The following MAMLD1 variants were observed in gnomAD, a reference collection of about 807,000 sequenced individuals.
MAMLD1 encodes mastermind-like domain-containing protein 1.
MAMLD1 carries 14 observed loss-of-function variants against 45.0 expected under a neutral mutation model. That is an observed-to-expected ratio of 0.31 (90% CI 0.21 to 0.49). The LOEUF is 0.49. MAMLD1 is among the 20% of genes least tolerant of loss of function. The pLI, the probability that MAMLD1 is intolerant of heterozygous loss-of-function variation, is 0.99. For synonymous variants in MAMLD1, 254 were observed against 247.8 expected, an observed-to-expected ratio of 1.02 and a Z score of -0.24; for missense variants, 543 against 603.6, an observed-to-expected ratio of 0.90 and a Z score of 1.05.
intron 1 of MAMLD1, among the ~76,000 whole-genome samples, chrX:150,412,709 TTTTG>T (rs1417445519): frequency 1.8e-5 from 2 of 109,488 alleles, no homozygotes; most frequent in East Asian, 2.9e-4. Context: ...TTGTTTGTTT[TTTTG>T]TTTGTTTGTT....
At chrX:150,481,730 T>A (rs924357202) in intron 5 of MAMLD1, among the ~76,000 whole-genome samples, 1 of 107,490 alleles carries the variant, frequency 9.3e-6, no homozygotes, top group South Asian at 4.1e-4. Flanking sequence ...CTCCGGAGGC[T>A]GAGGTGGGAG....
chrX:150,462,580 C>T (rs1454592809), intron 2 of MAMLD1, among the ~76,000 whole-genome samples, 192 bp from the exon 3 acceptor site: 1 of 112,145 alleles, frequency 8.9e-6, no homozygotes, highest in South Asian at 3.7e-4. Flanking sequence ...TTGCTAGTCT[C>T]CCGCACTCCA....
intron 6 of MAMLD1, chrX:150,504,625 G>T (rs1230455006): frequency 1.7e-6 from 1 of 592,950 alleles, no homozygotes; most frequent in African/African-American, 2.5e-5. Flanking sequence ...TCAGGATGTC[G>T]CTGTTTCCAC....
At chrX:150,497,379 G>A (rs1557408340) in intron 5 of MAMLD1, among the ~76,000 whole-genome samples, 1 of 105,844 alleles carries the variant, frequency 9.4e-6, no homozygotes, top group Admixed American at 1.0e-4. Context: ...CACCTCCTGG[G>A]TTCAAGTGAT....
At chrX:150,434,661 A>C (rs1432692972) in intron 1 of MAMLD1, among the ~76,000 whole-genome samples, 1 of 111,965 alleles carries the variant, frequency 8.9e-6, no homozygotes, top group Non-Finnish European at 1.9e-5. Context: ...CCTTAATTTC[A>C]TTATTTACTC....
chrX:150,499,665 AC>A (rs1177425115), intron 5 of MAMLD1, among the ~76,000 whole-genome samples: 1 of 111,340 alleles, frequency 9.0e-6, no homozygotes, highest in African/African-American at 3.3e-5. Flanking sequence ...TTCTGTCTGT[AC>A]CCCATCTTGC....
At chrX:150,461,329 T>C (rs2036030532) in intron 2 of MAMLD1, among the ~76,000 whole-genome samples, 1 of 112,758 alleles carries the variant, frequency 8.9e-6, no homozygotes, top group African/African-American at 3.2e-5. Flanking sequence ...ATGATGGGAT[T>C]AGACAGCCCA....
chrX:150,472,335 C>T (rs1429831036), intron 4 of MAMLD1, among the ~76,000 whole-genome samples: 4 of 112,232 alleles, frequency 3.6e-5, no homozygotes, highest in African/African-American at 1.3e-4. Context: ...CAGCTTCGAA[C>T]CATATGCATA....
At chrX:150,405,371 C>G (rs1557402633) in intron 1 of MAMLD1, among the ~76,000 whole-genome samples, 1 of 111,115 alleles carries the variant, frequency 9.0e-6, no homozygotes, top group Non-Finnish European at 1.9e-5. Context: ...CAAAAGGAGT[C>G]AAACTAGGTC....
intron 6 of MAMLD1, chrX:150,504,120 A>T: frequency 1.3e-6 from 1 of 753,064 alleles, no homozygotes; most frequent in Non-Finnish European, 1.6e-6. Flanking sequence ...AAGCTTGTCC[A>T]AGAGGCCTGT....
chrX:150,371,827 G>A (rs1330705041), intron 1 of MAMLD1, among the ~76,000 whole-genome samples: 1 of 111,626 alleles, frequency 9.0e-6, no homozygotes, highest in Middle Eastern at 4.2e-3. Context: ...TACATAGTTA[G>A]CACAGGTGCA....
At chrX:150,437,790 A>C (rs1222785098) in intron 1 of MAMLD1, among the ~76,000 whole-genome samples, 1 of 112,048 alleles carries the variant, frequency 8.9e-6, no homozygotes, top group Non-Finnish European at 1.9e-5. Context: ...CACAGTCAAA[A>C]TACAGAACAT....
At chrX:150,485,536 G>A (rs985842612) in intron 5 of MAMLD1, among the ~76,000 whole-genome samples, 1 of 111,512 alleles carries the variant, frequency 9.0e-6, no homozygotes, top group African/African-American at 3.3e-5. Context: ...AGCTAGCATT[G>A]CTTCTTTTCT....
chrX:150,488,376 G>A (rs2037064116), intron 5 of MAMLD1, among the ~76,000 whole-genome samples: 1 of 112,750 alleles, frequency 8.9e-6, no homozygotes, highest in African/African-American at 3.2e-5. Flanking sequence ...GCTGTAAAAT[G>A]ATGAGCTCCA....
At chrX:150,436,791 T>C (rs1557404296) in intron 1 of MAMLD1, among the ~76,000 whole-genome samples, 2 of 111,921 alleles carry the variant, frequency 1.8e-5, no homozygotes, top group East Asian at 5.6e-4. Flanking sequence ...CACTTGGAGG[T>C]AACAAGACAC....
intron 5 of MAMLD1, among the ~76,000 whole-genome samples, chrX:150,491,188 C>T (rs782097659): frequency 4.1e-4 from 46 of 111,547 alleles, no homozygotes; most frequent in Non-Finnish European, 7.2e-4. Flanking sequence ...CGTTGTTATT[C>T]CCCCTCCTTT....
Position 150,414,028 on chromosome X carries a change from C to CAAAAAAAAAAAA in MAMLD1, c.-63-31417_-63-31406dup. Among the ~76,000 whole-genome samples the CAAAAAAAAAAAA allele has an allele frequency of 8.5e-3, 266 of 31,285 alleles. 6 individuals carry two copies. The highest frequency in any genetic ancestry group is 0.019 in the East Asian group (8 of 431). The allele number at this position is 31,285 out of a possible 115,157, so 27.2% of individuals were successfully genotyped here. A position where few individuals can be genotyped will look rare whatever the true frequency, so the allele number is the denominator to read the frequency against. Reference sequence around the variant, plus strand: ...AGCATTAAGGAACCACAGAAAACTGCAAAAAAAAAAAAAAAAAAAAGAGCC... The same window carrying CAAAAAAAAAAAA: ...AGCATTAAGGAACCACAGAAAACTGCAAAAAAAAAAAAAAAAAAAAAAAAAAAAAAAAGAGCC... On this transcript the variant is annotated intron_variant, in intron 1 of 7. Transcript: ENST00000370401.
chrX:150,372,374 C>G (rs1168107111), intron 1 of MAMLD1, among the ~76,000 whole-genome samples: 1 of 111,416 alleles, frequency 9.0e-6, no homozygotes, highest in African/African-American at 3.3e-5. Context: ...GGGTTTGGCT[C>G]TTAATGAGAT....
At chrX:150,480,722 C>T (rs1384769553) in intron 5 of MAMLD1, among the ~76,000 whole-genome samples, 1 of 112,445 alleles carries the variant, frequency 8.9e-6, no homozygotes, top group Non-Finnish European at 1.9e-5. Context: ...AAGCACAGAG[C>T]CACAGGCCTT....
Sources: allele counts gnomAD v4.1 joint callset (sites outside exome capture counted in the v4.1 genomes callset), GRCh38; gene constraint gnomAD v4.1.1; transcripts MANE v1.5; gene names NCBI Gene and HGNC (gene_info 2026-07-23, HGNC 2026-07-21).